MAST2: variants seen among roughly 807,000 people sequenced by gnomAD.
The protein encoded by MAST2 is microtubule-associated serine/threonine-protein kinase 2.
In MAST2, 70 loss-of-function variants were observed where a neutral mutation model predicts 147.4. The observed-to-expected ratio is 0.47, with a 90% CI of 0.39 to 0.58. The LOEUF is 0.58. Among genes scored for constraint, MAST2 ranks in the 20% least tolerant of loss-of-function variants. The pLI, the probability that MAST2 is intolerant of heterozygous loss-of-function variation, is 0.00. For missense variants in MAST2, 2,080 were observed against 2,302.3 expected (o/e 0.90, Z 1.98); for synonymous variants, 869 against 896.8 (o/e 0.97, Z 0.55).
At chr1:46,000,889 C>A in intron 6 of MAST2, 1 of 1,163,934 alleles carries the variant, frequency 8.6e-7, no homozygotes, top group Non-Finnish European at 1.1e-6. Context: ...AGACCAAATA[C>A]CAAGATTCAA....
chr1:45,859,744 A>C (rs561548591), intron 3 of MAST2, among the ~76,000 whole-genome samples: 12 of 152,232 alleles, frequency 7.9e-5, no homozygotes, highest in Non-Finnish European at 1.5e-4. Context: ...GATGCAGCCT[A>C]TTCTGAGAAT....
At chr1:45,933,175 A>C (rs1252195381) in intron 4 of MAST2, among the ~76,000 whole-genome samples, 2 of 129,312 alleles carry the variant, frequency 1.5e-5, no homozygotes, top group Non-Finnish European at 3.1e-5. Flanking sequence ...GTGAGTTATG[A>C]TCACATCACT....
At chr1:45,962,055 A>G in intron 5 of MAST2, among the ~76,000 whole-genome samples, 1 of 151,962 alleles carries the variant, frequency 6.6e-6, no homozygotes, top group Non-Finnish European at 1.5e-5. Flanking sequence ...TTTGCTGAGA[A>G]TGATGGTTTC....
intron 10 of MAST2, among the ~76,000 whole-genome samples, chr1:46,016,048 C>G (rs1353065085): frequency 6.6e-6 from 1 of 151,920 alleles, no homozygotes; most frequent in East Asian, 1.9e-4. Flanking sequence ...TGTAATCCAG[C>G]ATATAAACAG....
At chr1:45,992,819 C>T (rs2149125855) in intron 5 of MAST2, among the ~76,000 whole-genome samples, 1 of 152,114 alleles carries the variant, frequency 6.6e-6, no homozygotes, top group South Asian at 2.1e-4. Flanking sequence ...CTATTTGTTT[C>T]CTAATTATTC....
At position 45,954,137 on chromosome 1, in the gene MAST2, C is replaced by G. The variant is rs561423899; in HGVS notation, c.501-5249C>G. Among the ~76,000 whole-genome samples, 10 of 152,216 alleles carry G rather than the reference C, an allele frequency of 6.6e-5. No homozygotes were observed. The East Asian group carries it at 1.9e-3, about 29-fold the overall frequency. ...ATCCAGTCACGGAGTGCTCAAGTTC[C>G]TAGGAGCAGCTAGACCTCTGAGATT... On this transcript the variant is annotated intron_variant, in intron 4 of 28. Transcript: ENST00000361297.
At chr1:45,837,252 G>C (rs144534891) in intron 3 of MAST2, among the ~76,000 whole-genome samples, 109 of 152,294 alleles carry the variant, frequency 7.2e-4, no homozygotes, top group Middle Eastern at 3.4e-3. Flanking sequence ...CCCCAAGTTC[G>C]CTTGTGTCCC....
At chr1:45,920,327 C>A (rs1557907438) in intron 4 of MAST2, among the ~76,000 whole-genome samples, 2 of 152,164 alleles carry the variant, frequency 1.3e-5, no homozygotes, top group African/African-American at 4.8e-5. Context: ...ATTCTAGCCA[C>A]CTTAGCCTCC....
chr1:46,014,645 C>T (rs1645857954), intron 10 of MAST2, among the ~76,000 whole-genome samples: 1 of 151,900 alleles, frequency 6.6e-6, no homozygotes, highest in Non-Finnish European at 1.5e-5. Flanking sequence ...TATATATGCA[C>T]CCAATACAGG....
chr1:45,919,848 T>C (rs2148634785), intron 4 of MAST2, among the ~76,000 whole-genome samples: 1 of 152,282 alleles, frequency 6.6e-6, no homozygotes, highest in African/African-American at 2.4e-5. Context: ...TATTAGTGCT[T>C]CATTCCATTC....
At chr1:45,937,083 TCTAATA>T in intron 4 of MAST2, among the ~76,000 whole-genome samples, 1 of 149,686 alleles carries the variant, frequency 6.7e-6, no homozygotes. Flanking sequence ...TTTTATTTAT[TCTAATA>T]TTATTTGTTT....
At position 46,029,898 on chromosome 1, in the gene MAST2, G is replaced by GA; in HGVS notation, c.2390dup (p.Ala798GlyfsTer2). The GA allele has an allele frequency of 6.2e-7, 1 of 1,614,222 alleles. No homozygotes were observed. The highest frequency in any genetic ancestry group is 8.5e-7 in the Non-Finnish European group (1 of 1,180,038). On this transcript the variant is annotated frameshift_variant, in exon 20 of 29. Transcript: ENST00000361297. LOFTEE classifies it high-confidence loss of function. ...TGGACTGGACAGGACTTCTCCGCCA[G>GA]AAGGCTGAATTTATTCCTCAGTTGG...
rs763136499 is a variant in MAST2 at position 45,836,685 on chromosome 1, G to A, written c.468+7104G>A. ...GATATCTATATCTATATGTCAGTTG[G>A]CTTTATTGAGGTATAATTTACATAG... On this transcript the variant is annotated intron_variant, in intron 3 of 28. Coordinates refer to ENST00000361297, the MANE Select transcript of MAST2 (RefSeq NM_015112.3). Among the ~76,000 whole-genome samples the A allele has an allele frequency of 2.4e-4, 37 of 152,120 alleles. 1 individual carries two copies. Among genetic ancestry groups the A allele is most frequent in the Middle Eastern group, 3.4e-3 (1 of 294 alleles).
At chr1:45,988,685 A>C (rs555672228) in intron 5 of MAST2, among the ~76,000 whole-genome samples, 2 of 152,312 alleles carry the variant, frequency 1.3e-5, no homozygotes, top group South Asian at 4.2e-4. Flanking sequence ...AGTATGAACT[A>C]ATAGGTATTT....
chr1:46,036,104 T>C lies in MAST2; in HGVS notation c.*38T>C. On this transcript the variant is annotated 3_prime_UTR_variant, in exon 29 of 29. Transcript: ENST00000361297. ...ATTTCTTGCACTCAGACCTGTGTAA[T>C]ATATGCTCCTGGAAACCATCTTTAT... 6.5e-7 allele frequency: 1 copy of C among 1,534,822 alleles called. No homozygotes were observed. Among genetic ancestry groups the C allele is most frequent in the Admixed American group, 2.0e-5 (1 of 50,592 alleles).
intron 1 of MAST2, among the ~76,000 whole-genome samples, chr1:45,821,563 C>T (rs1644632152): frequency 7.2e-6 from 1 of 138,870 alleles, no homozygotes. Context: ...TTCTGTTACC[C>T]AGGCTGAAGT....
chr1:46,033,745 G>T, intron 26 of MAST2, 57 bp from the exon 27 acceptor site: 1 of 1,593,188 alleles, frequency 6.3e-7, no homozygotes, highest in South Asian at 1.1e-5. Flanking sequence ...GATTGGGGGA[G>T]GGGAGGGGCA....
intron 5 of MAST2, among the ~76,000 whole-genome samples, chr1:45,969,074 A>G (rs563430167): frequency 2.6e-5 from 4 of 151,974 alleles, no homozygotes; most frequent in East Asian, 1.9e-4. Context: ...TATATTATCC[A>G]TCTGTTCTTG....
At chr1:46,008,997 T>C (rs1645602252) in intron 9 of MAST2, among the ~76,000 whole-genome samples, 1 of 152,216 alleles carries the variant, frequency 6.6e-6, no homozygotes, top group South Asian at 2.1e-4. Context: ...TTCGTAACTC[T>C]GCTGCTTGGC....
Sources: gnomAD v4.1 joint callset for allele counts (sites outside exome capture counted in the v4.1 genomes callset) on GRCh38, gnomAD v4.1.1 for gene constraint, MANE v1.5 for transcripts, NCBI Gene and HGNC (gene_info 2026-07-23, HGNC 2026-07-21) for gene names.